The following NDST4 variants were observed in gnomAD, a reference collection of about 807,000 sequenced individuals.
NDST4 encodes N-heparan sulfate sulfotransferase 4.
In NDST4, 63 loss-of-function variants were observed where a neutral mutation model predicts 100.8. The observed-to-expected ratio is 0.62, with a 90% confidence interval of 0.51 to 0.77. The LOEUF (loss-of-function observed/expected upper bound fraction) is 0.77, where lower values mean the gene tolerates loss of function less well. Ranked by LOEUF, NDST4 falls within the 30% of genes least tolerant of loss-of-function variation. The pLI, the probability that NDST4 is intolerant of heterozygous loss-of-function variation, is 0.00. For synonymous variants in NDST4, 377 were observed against 361.8 expected, an observed-to-expected ratio of 1.04 and a Z score of -0.48; for missense variants, 943 against 1,018.4, an observed-to-expected ratio of 0.93 and a Z score of 1.01.
intron 2 of NDST4, among the ~76,000 whole-genome samples, chr4:114,992,782 AG>A (rs1157241859): frequency 6.6e-6 from 1 of 151,844 alleles, no homozygotes; most frequent in Non-Finnish European, 1.5e-5. Context: ...TAATTTAGAA[AG>A]GGGTGTTGCT....
intron 1 of NDST4, among the ~76,000 whole-genome samples, chr4:115,080,028 T>A (rs920207880): frequency 5.3e-5 from 8 of 152,200 alleles, no homozygotes; most frequent in African/African-American, 1.9e-4. Flanking sequence ...CTGTGAAACA[T>A]ATTGTACCAG....
At chr4:114,972,090 A>G (rs1241270134) in intron 3 of NDST4, among the ~76,000 whole-genome samples, 1 of 152,024 alleles carries the variant, frequency 6.6e-6, no homozygotes, top group African/African-American at 2.4e-5. Context: ...ATGTATTCAC[A>G]CTGTTTTAGA....
rs114620772 is a variant in NDST4 at position 115,050,010 on chromosome 4, G to T, written c.978+26049C>A. 8.4e-3 allele frequency among the ~76,000 whole-genome samples: 1,281 copies of T among 152,148 alleles called. 10 individuals carry two copies. Among genetic ancestry groups the T allele is most frequent in the African/African-American group, 0.018 (735 of 41,528 alleles). ...TCTGTCAGAGGAAGAACCAAAACCA[G>T]ACCTTTCTGATTATCATGAGTCCTT... On this transcript the variant is annotated intron_variant, in intron 2 of 13. Transcript: ENST00000264363.
intron 1 of NDST4, among the ~76,000 whole-genome samples, chr4:115,089,206 T>C (rs976623667): frequency 3.5e-4 from 53 of 152,178 alleles, no homozygotes; most frequent in African/African-American, 1.2e-3. Flanking sequence ...TTCAGTTTCT[T>C]CATTTTCTAA....
chr4:114,953,417 T>C (rs1239454443), intron 4 of NDST4, among the ~76,000 whole-genome samples: 2 of 152,084 alleles, frequency 1.3e-5, no homozygotes, highest in African/African-American at 4.8e-5. Context: ...TTATCAATCT[T>C]ACAAACTTGG....
intron 2 of NDST4, among the ~76,000 whole-genome samples, chr4:115,006,730 T>C (rs888229029): frequency 1.3e-5 from 2 of 152,138 alleles, no homozygotes; most frequent in South Asian, 4.1e-4. Context: ...AGGAGAGGAT[T>C]CTGGAGTTGT....
At chr4:115,080,316 T>C (rs1472121204) in intron 1 of NDST4, among the ~76,000 whole-genome samples, 1 of 152,068 alleles carries the variant, frequency 6.6e-6, no homozygotes, top group African/African-American at 2.4e-5. Context: ...TTTGTATTTT[T>C]AGTAGAGACT....
chr4:115,087,513 A>G (rs1449345506), intron 1 of NDST4, among the ~76,000 whole-genome samples: 1 of 150,876 alleles, frequency 6.6e-6, no homozygotes. Flanking sequence ...TTCTTTTCTT[A>G]TATTTTTCCT....
rs573676726 is a variant in NDST4, at chr4:115,089,803, T to A, written c.-246-12521A>T. Among the ~76,000 whole-genome samples, 563 of 151,970 alleles carry A rather than the reference T, an allele frequency of 3.7e-3. 3 individuals are homozygous for A. The highest frequency in any genetic ancestry group is 5.0e-3 in the South Asian group (24 of 4,818). On this transcript the variant is annotated intron_variant, in intron 1 of 13. Transcript: ENST00000264363. ...AATGATCTCAGAATCAAGCCTAAAG[T>A]TTTGAAAATTGGAAAACCAATTGCA...
chr4:114,961,605 G>T (rs941312655), intron 4 of NDST4, among the ~76,000 whole-genome samples: 8 of 151,910 alleles, frequency 5.3e-5, no homozygotes, highest in African/African-American at 1.9e-4. Context: ...ATTAGTAAAT[G>T]TCTAGACACA....
chr4:114,829,246 T>C (rs1043688007), intron 13 of NDST4, among the ~76,000 whole-genome samples: 3 of 152,200 alleles, frequency 2.0e-5, no homozygotes, highest in African/African-American at 4.8e-5. Flanking sequence ...TATCCTCACT[T>C]CTATTGAAAT....
intron 6 of NDST4, among the ~76,000 whole-genome samples, chr4:114,932,770 CA>C (rs1198514566): frequency 6.6e-6 from 1 of 151,760 alleles, no homozygotes; most frequent in Non-Finnish European, 1.5e-5. Context: ...TAAATGTAAC[CA>C]AGGAAGTTAA....
chr4:115,050,405 T>TACACAC (rs36055187), intron 2 of NDST4, among the ~76,000 whole-genome samples: 4,360 of 149,586 alleles, frequency 0.029, 97 homozygotes, highest in East Asian at 0.083. Flanking sequence ...AATGAAGCAT[T>TACACAC]ACACACACAC....
At chr4:114,935,168 G>A in intron 6 of NDST4, 38 bp downstream of exon 6, 1 of 1,414,144 alleles carries the variant, frequency 7.1e-7, no homozygotes, top group South Asian at 1.7e-5. Flanking sequence ...ATTTAAAAAT[G>A]CTAATCTTAT....
At chr4:115,020,868 C>T (rs184875969) in intron 2 of NDST4, among the ~76,000 whole-genome samples, 4 of 152,056 alleles carry the variant, frequency 2.6e-5, no homozygotes, top group African/African-American at 7.2e-5. Flanking sequence ...TATGATACCA[C>T]CTTACTCCTG....
intron 4 of NDST4, among the ~76,000 whole-genome samples, chr4:114,962,366 T>C (rs969591573): frequency 6.6e-6 from 1 of 151,984 alleles, no homozygotes; most frequent in Non-Finnish European, 1.5e-5. Context: ...GAAGTAAAAG[T>C]ATTTCTATTT....
chr4:114,997,048 C>T (rs113004885), intron 2 of NDST4, among the ~76,000 whole-genome samples: 245 of 152,156 alleles, frequency 1.6e-3, no homozygotes, highest in Non-Finnish European at 3.0e-3. Context: ...ATGTCTCTAC[C>T]ATGGACAAAG....
chr4:115,090,841 A>G (rs1729505524), intron 1 of NDST4, among the ~76,000 whole-genome samples: 1 of 152,108 alleles, frequency 6.6e-6, no homozygotes, highest in South Asian at 2.1e-4. Flanking sequence ...CATCAGCGAA[A>G]GATCAGTGAC....
intron 2 of NDST4, among the ~76,000 whole-genome samples, chr4:114,997,124 C>G (rs1057400823): frequency 6.6e-5 from 10 of 152,078 alleles, no homozygotes; most frequent in African/African-American, 2.2e-4. Context: ...GACCTATTTG[C>G]CAATATGATT....
Sources: gnomAD v4.1 joint callset for allele counts (sites outside exome capture counted in the v4.1 genomes callset) on GRCh38, gnomAD v4.1.1 for gene constraint, MANE v1.5 for transcripts, NCBI Gene and HGNC (gene_info 2026-07-23, HGNC 2026-07-21) for gene names.